SHROOM2: variants seen among roughly 807,000 people sequenced by gnomAD.
SHROOM2 encodes protein Shroom2.
A neutral mutation model predicts 75.9 loss-of-function variants in SHROOM2; 33 were observed. That is an observed-to-expected ratio of 0.43 (90% CI 0.33 to 0.58). The LOEUF is 0.58. Ranked by LOEUF, SHROOM2 falls within the 20% of genes least tolerant of loss-of-function variation. The probability of loss-of-function intolerance (pLI) is 0.04; values close to 1 mark genes in which losing one functional copy is unlikely to be tolerated. For missense variants in SHROOM2, 1,434 were observed against 1,461.2 expected (o/e 0.98, Z 0.30); for synonymous variants, 655 against 663.6 (o/e 0.99, Z 0.20).
rs951887689 is a variant in SHROOM2 at position 9,888,675 on chromosome X, C to T, written c.318-2302C>T. Among the ~76,000 whole-genome samples, 11 of 111,466 alleles carry T rather than the reference C, an allele frequency of 9.9e-5. No individual in the cohort carries two copies. The South Asian group carries it at 1.5e-3, about 15-fold the overall frequency. ...CCCAGGCTGATCTCAAACTCCTGGC[C>T]GAAAGCAATCCTCCCACGGCAGTCT... is the stretch of plus-strand genomic sequence containing the variant. On this transcript the variant is annotated intron_variant, in intron 2 of 9. Coordinates refer to ENST00000380913, the MANE Select transcript of SHROOM2 (RefSeq NM_001649.4).
intron 1 of SHROOM2, among the ~76,000 whole-genome samples, chrX:9,791,369 G>A (rs143580321): frequency 6.3e-5 from 7 of 111,580 alleles, no homozygotes; most frequent in Middle Eastern, 4.7e-3. Flanking sequence ...GAGTTGTTTT[G>A]TATCAGCATG....
chrX:9,825,759 T>G (rs1401574876), intron 1 of SHROOM2, among the ~76,000 whole-genome samples: 1 of 112,334 alleles, frequency 8.9e-6, no homozygotes, highest in African/African-American at 3.2e-5. Flanking sequence ...CACAGCCTTG[T>G]GGACCCTGGC....
At chrX:9,930,738 G>A (rs913516303) in intron 5 of SHROOM2, among the ~76,000 whole-genome samples, 5 of 110,207 alleles carry the variant, frequency 4.5e-5, no homozygotes, top group Admixed American at 9.7e-5. Flanking sequence ...TTCAAGTTTT[G>A]TTTTGTTTTG....
At chrX:9,800,082 C>T (rs745684056) in intron 1 of SHROOM2, among the ~76,000 whole-genome samples, 59 of 111,503 alleles carry the variant, frequency 5.3e-4, no homozygotes, top group African/African-American at 1.8e-3. Context: ...AGCCTAAATA[C>T]GGGGTGTGCA....
intron 5 of SHROOM2, among the ~76,000 whole-genome samples, chrX:9,929,096 C>A (rs2084622828): frequency 8.9e-6 from 1 of 112,788 alleles, no homozygotes; most frequent in Admixed American, 9.3e-5. Context: ...CTCACACACA[C>A]AACCTGCAGA....
At chrX:9,860,402 C>T (rs1304272964) in intron 1 of SHROOM2, among the ~76,000 whole-genome samples, 7 of 111,706 alleles carry the variant, frequency 6.3e-5, no homozygotes, top group Admixed American at 1.9e-4. Flanking sequence ...ATCACTGAGT[C>T]ACTTGGTCTG....
intron 1 of SHROOM2, among the ~76,000 whole-genome samples, chrX:9,795,690 A>C (rs921235791): frequency 9.2e-6 from 1 of 108,392 alleles, no homozygotes; most frequent in Non-Finnish European, 1.9e-5. Context: ...GATCAGGTGA[A>C]GCTGTTTCCC....
At chrX:9,929,506 C>T (rs2084627462) in intron 5 of SHROOM2, among the ~76,000 whole-genome samples, 1 of 111,266 alleles carries the variant, frequency 9.0e-6, no homozygotes, top group Non-Finnish European at 1.9e-5. Context: ...AGCCAGGAGC[C>T]AGCCTGCCGT....
At chrX:9,900,028 T>C (rs112466820) in intron 5 of SHROOM2, among the ~76,000 whole-genome samples, 6,532 of 111,333 alleles carry the variant, frequency 0.059, 413 homozygotes, top group African/African-American at 0.19. Flanking sequence ...AGGCTGTGTG[T>C]GAGTGAGTGA....
intron 5 of SHROOM2, among the ~76,000 whole-genome samples, chrX:9,926,670 C>T (rs1239392341): frequency 9.0e-6 from 1 of 111,698 alleles, no homozygotes; most frequent in African/African-American, 3.3e-5. Flanking sequence ...ACAGATTGTG[C>T]ACATGGGTGG....
intron 1 of SHROOM2, among the ~76,000 whole-genome samples, chrX:9,811,793 C>T (rs1254271260): frequency 8.9e-6 from 1 of 111,888 alleles, no homozygotes; most frequent in African/African-American, 3.2e-5. Context: ...CCCTAGTCTT[C>T]TCTTCCTCTG....
rs181688524 is a variant in SHROOM2 at position 9,793,079 on chromosome X, A to G, written c.165+6369A>G. ...GGCTCTTGCACAGTATGAATTATCAAGTAGTTCTTCAAGGGTGCTTATATG... is the reference window on the plus strand; with the variant it reads ...GGCTCTTGCACAGTATGAATTATCAGGTAGTTCTTCAAGGGTGCTTATATG... On this transcript the variant is annotated intron_variant, in intron 1 of 9. Transcript: ENST00000380913. 8.0e-3 allele frequency among the ~76,000 whole-genome samples: 896 copies of G among 111,390 alleles called. 4 individuals carry two copies. Among genetic ancestry groups the G allele is most frequent in the Non-Finnish European group, 0.013 (712 of 53,073 alleles).
intron 1 of SHROOM2, among the ~76,000 whole-genome samples, chrX:9,836,274 CTAAAAAGAGGGG>C (rs1349311643): frequency 1.8e-5 from 2 of 112,193 alleles, no homozygotes; most frequent in African/African-American, 6.5e-5. Context: ...AGTTTTCTCT[CTAAAAAGAGGGG>C]AACCCCTGGC....
chrX:9,935,316 A>T (rs1310295276), intron 6 of SHROOM2, among the ~76,000 whole-genome samples: 2 of 98,958 alleles, frequency 2.0e-5, no homozygotes, highest in Non-Finnish European at 3.9e-5. Flanking sequence ...TTCTTTTATT[A>T]TTATTATTAT....
intron 1 of SHROOM2, among the ~76,000 whole-genome samples, chrX:9,798,452 G>A (rs189161771): frequency 8.7e-4 from 97 of 111,698 alleles, no homozygotes; most frequent in South Asian, 1.5e-3. Flanking sequence ...TAAAGGAAAA[G>A]ATTGATCCAT....
chrX:9,914,837 C>T (rs746051863), intron 5 of SHROOM2, among the ~76,000 whole-genome samples: 13 of 111,801 alleles, frequency 1.2e-4, no homozygotes, highest in Non-Finnish European at 2.3e-4. Context: ...CTGGTGGGCT[C>T]CTGCGGACTA....
At chrX:9,934,218 T>G (rs1164931879) in intron 6 of SHROOM2, among the ~76,000 whole-genome samples, 2 of 112,133 alleles carry the variant, frequency 1.8e-5, no homozygotes, top group African/African-American at 6.5e-5. Flanking sequence ...ACACCAGGTG[T>G]GGCGGGTGGC....
intron 1 of SHROOM2, among the ~76,000 whole-genome samples, chrX:9,844,067 G>A (rs1422080968): frequency 8.9e-6 from 1 of 112,464 alleles, no homozygotes; most frequent in East Asian, 2.8e-4. Context: ...AAAGTGTTTA[G>A]GCAGAGAAAC....
At chrX:9,838,162 G>T (rs768134696) in intron 1 of SHROOM2, among the ~76,000 whole-genome samples, 1 of 102,332 alleles carries the variant, frequency 9.8e-6, no homozygotes, top group Non-Finnish European at 2.0e-5. Context: ...CCGGGTTCAC[G>T]CCATTCTTCT....
Sources: allele counts gnomAD v4.1 joint callset (sites outside exome capture counted in the v4.1 genomes callset), GRCh38; gene constraint gnomAD v4.1.1; transcripts MANE v1.5; gene names NCBI Gene and HGNC (gene_info 2026-07-23, HGNC 2026-07-21).